TTN: variants seen among roughly 807,000 people sequenced by gnomAD.
The protein encoded by TTN is connectin.
A neutral mutation model predicts 3,223.0 loss-of-function variants in TTN; 1,525 were observed. The ratio of observed to expected loss-of-function variants is 0.47; its 90% CI spans 0.45 to 0.49. The LOEUF is 0.49. TTN is among the 20% of genes least tolerant of loss of function. The pLI is 0.00. For synonymous variants in TTN, 14,094 were observed against 15,161.0 expected (o/e 0.93, Z 5.17); for missense variants, 40,786 against 43,424.0 (o/e 0.94, Z 5.40).
intron 24 of TTN, 66 bp from the exon 25 acceptor site, chr2:178,778,041 T>G: frequency 6.4e-7 from 1 of 1,560,526 alleles, no homozygotes; most frequent in Non-Finnish European, 8.7e-7. Flanking sequence ...CAAACTTCAT[T>G]TTGTCTTATT....
At chr2:178,730,819 C>CA in intron 60 of TTN, 27 bp from the exon 61 acceptor site, 2 of 1,536,588 alleles carry the variant, frequency 1.3e-6, no homozygotes, top group Non-Finnish European at 1.7e-6. Context: ...CAAACAACAA[C>CA]AAAAAAAGGT....
chr2:178,746,079 G>T (rs201273719), intron 47 of TTN: 6 of 1,613,246 alleles, frequency 3.7e-6, no homozygotes, highest in Non-Finnish European at 5.1e-6. Context: ...CAGACATTTC[G>T]AATTTTAAGA....
At chr2:178,641,588 C>A (rs967874944) in intron 219 of TTN, 3 of 228,280 alleles carry the variant, frequency 1.3e-5, no homozygotes, top group African/African-American at 4.5e-5. Flanking sequence ...ACAGCTCCAA[C>A]ACAAAATGAA....
At chr2:178,586,387 T>C in intron 308 of TTN, 118 bp downstream of exon 308, 4 of 1,243,864 alleles carry the variant, frequency 3.2e-6, no homozygotes, top group Non-Finnish European at 4.5e-6. Flanking sequence ...AAGCCACTGT[T>C]CTCTACTGTT....
intron 215 of TTN, 117 bp from the exon 216 acceptor site, chr2:178,646,676 T>C (rs1445447811): frequency 1.6e-6 from 1 of 606,846 alleles, no homozygotes; most frequent in African/African-American, 1.8e-5. Context: ...ATACAATTCA[T>C]ACAAATTCAT....
At position 178,692,056 on chromosome 2, in the gene TTN, T is replaced by G. The variant is rs1311681233; in HGVS notation, c.31722A>C (p.Pro10574=). The change falls in exon 121 of 363, where the codon CCA becomes CCC. Residue 10574 remains proline (P), a synonymous_variant. Transcript: ENST00000589042. ...PKKPVPEEKK[P]VPVPKKEPAA... ...CAGGTTCCTTCTTAGGCACAGGAAC[T>G]GGCTTTTTCTCCTCTGGCACGGGTT... 2.5e-6 allele frequency: 4 copies of G among 1,613,320 alleles called. No homozygotes were observed. In the Admixed American group the frequency reaches 6.7e-5, roughly 27 times the overall value.
intron 159 of TTN, among the ~76,000 whole-genome samples, chr2:178,669,031 A>G (rs1261910217): frequency 6.6e-6 from 1 of 152,180 alleles, no homozygotes; most frequent in African/African-American, 2.4e-5. Context: ...ATAAAATCCA[A>G]TTAAAATATT....
chr2:178,609,434 T>C lies in TTN; in HGVS notation c.51876A>G (p.Glu17292=). The change falls in exon 273 of 363, where the codon GAA becomes GAG. Residue 17292 remains glutamate, a synonymous_variant. Transcript: ENST00000589042. ...IKDENVIVPE[E]IKKRAAPLVR... ...CCAAGGGTGCTGCACGCTTCTTAAT[T>C]TCCTCTGGTACAATAACATTTTCAT... 1 of 1,612,354 alleles carries C rather than the reference T, an allele frequency of 6.2e-7. No individual in the cohort carries two copies. The highest frequency in any genetic ancestry group is 1.3e-5 in the African/African-American group (1 of 74,930).
rs752706070 is a variant in TTN, at chr2:178,775,028, A to G, written c.6683T>C (p.Val2228Ala). 5.0e-6 allele frequency: 8 copies of G among 1,613,844 alleles called. No homozygotes were observed. Among genetic ancestry groups the G allele is most frequent in the Non-Finnish European group, 6.8e-6 (8 of 1,179,942 alleles). The stretch of plus-strand genomic sequence containing the variant: ...AATGGTCAGTATGGAGAGGAAGTGA[A>G]CCTTTCTGTCAGAGTGCATCCTGTA... ...DKYRMHSDRKVHFLSILTIDT... is the reference protein window; with the variant it reads ...DKYRMHSDRKAHFLSILTIDT... The change falls in exon 29 of 363, where the codon GTT becomes GCT. Residue 2228 changes from valine (V) to alanine (A), a missense_variant. Val to Ala is a moderately conservative substitution (Grantham distance 64, BLOSUM62 0). Coordinates refer to ENST00000589042, the MANE Select transcript of TTN (RefSeq NM_001267550.2).
chr2:178,750,435 T>G (rs1255095337), intron 47 of TTN: 1 of 1,612,374 alleles, frequency 6.2e-7, no homozygotes, highest in Non-Finnish European at 8.5e-7. Flanking sequence ...ATGATAAAGT[T>G]TTGATTACGT....
chr2:178,536,282 A>C lies in TTN; in HGVS notation c.100465T>G (p.Ser33489Ala). The change falls in exon 357 of 363, where the codon TCT becomes GCT. Residue 33489 changes from serine to alanine, a missense_variant. Coordinates refer to ENST00000589042, the MANE Select transcript of TTN (RefSeq NM_001267550.2). ...SEISEPITPK[S>A]DVPIQAPHFK... ...TGTGGTGCCTGAATTGGGACATCAG[A>C]TTTGGGAGTGATGGGTTCTGATATT... is the stretch of plus-strand genomic sequence containing the variant. The C allele has an allele frequency of 6.2e-7, 1 of 1,613,682 alleles. No homozygotes were observed. Among genetic ancestry groups the C allele is most frequent in the Non-Finnish European group, 8.5e-7 (1 of 1,179,750 alleles).
chr2:178,731,630 G>A, intron 58 of TTN, 47 bp from the exon 59 acceptor site: 1 of 1,567,938 alleles, frequency 6.4e-7, no homozygotes, highest in Non-Finnish European at 8.6e-7. Flanking sequence ...TATAGCAAAA[G>A]TGGCTTAAAA....
chr2:178,673,290 T>C (rs1223833099), intron 152 of TTN, among the ~76,000 whole-genome samples: 1 of 151,756 alleles, frequency 6.6e-6, no homozygotes, highest in Non-Finnish European at 1.5e-5. Context: ...AGTAAAATAA[T>C]TATTATAACA....
In TTN at chr2:178,617,622, A is replaced by G. The variant is rs940323830; in HGVS notation, c.47573-110T>C. 2.5e-5 allele frequency: 24 copies of G among 954,056 alleles called. No homozygotes were observed. In the African/African-American group the frequency reaches 3.4e-4, roughly 13 times the overall value. 59.1% of individuals were successfully genotyped at this position (954,056 alleles called of 1,614,324 possible). On this transcript the variant is annotated intron_variant, in intron 253 of 362. Transcript: ENST00000589042. ...CATTAACAGGTTTATCAAATTCACT[A>G]AGTAAAGTAGGCACAGTCTGGGTTT...
At chr2:178,787,753 A>G (rs1450931622) in intron 13 of TTN, among the ~76,000 whole-genome samples, 1 of 152,104 alleles carries the variant, frequency 6.6e-6, no homozygotes, top group Non-Finnish European at 1.5e-5. Context: ...AAATTGAGGA[A>G]GCATCTGTCT....
intron 240 of TTN, among the ~76,000 whole-genome samples, chr2:178,628,131 G>C (rs529740570): frequency 6.6e-6 from 1 of 152,048 alleles, no homozygotes; most frequent in African/African-American, 2.4e-5. Context: ...ACAGGCAGGC[G>C]TTACCTATCA....
In TTN at chr2:178,547,168, T is replaced by A. The variant is rs780232811; in HGVS notation, c.94357A>T (p.Ile31453Phe). ...YWVEKKERNT[I>F]LWVKENKVPC... ...ACTTTGTTTTCTTTCACCCAAAGAA[T>A]TGTATTACGTTCTTTCTTCTCAACC... The change falls in exon 340 of 363, where the codon ATT (isoleucine) becomes TTT (phenylalanine). Residue 31453 changes from isoleucine (I) to phenylalanine (F), a missense_variant. Ile to Phe is a conservative substitution (Grantham distance 21). Coordinates refer to ENST00000589042, the MANE Select transcript of TTN (RefSeq NM_001267550.2). 1 of 1,613,846 alleles carries A rather than the reference T, an allele frequency of 6.2e-7. No homozygotes were observed. Among genetic ancestry groups the A allele is most frequent in the Admixed American group, 1.7e-5 (1 of 60,020 alleles).
intron 127 of TTN, 90 bp downstream of exon 127, chr2:178,688,021 C>T: frequency 5.8e-6 from 6 of 1,026,880 alleles, no homozygotes; most frequent in Admixed American, 4.5e-5. Flanking sequence ...TCACTTTTTT[C>T]TGTCTCTTTT....
At position 178,637,448 on chromosome 2, in the gene TTN, A is replaced by G. The variant is rs576342588; in HGVS notation, c.40877-29T>C. ...AAATAAAAATAAAACTCAGCATTTA[A>G]ACACTTTTCGGACTTATTTCATGTT... On this transcript the variant is annotated intron_variant, in intron 223 of 362. Transcript: ENST00000589042. 5.6e-6 allele frequency: 8 copies of G among 1,433,348 alleles called. No individual in the cohort carries two copies. The African/African-American group carries it at 7.4e-5, about 13-fold the overall frequency. 88.8% of individuals were successfully genotyped at this position (1,433,348 alleles called of 1,614,324 possible).
Sources: gnomAD v4.1 joint callset for allele counts (sites outside exome capture counted in the v4.1 genomes callset) on GRCh38, gnomAD v4.1.1 for gene constraint, MANE v1.5 for transcripts, NCBI Gene and HGNC (gene_info 2026-07-23, HGNC 2026-07-21) for gene names.